FYB1: variants seen among roughly 807,000 people sequenced by gnomAD.
The protein encoded by FYB1 is FYN-binding protein 1.
A neutral mutation model predicts 94.1 loss-of-function variants in FYB1; 41 were observed. The ratio of observed to expected loss-of-function variants is 0.44; its 90% CI spans 0.34 to 0.57. The LOEUF is 0.57. FYB1 is among the 20% of genes least tolerant of loss of function. FYB1 has a pLI of 0.02. For missense variants in FYB1, 1,050 were observed against 976.8 expected (o/e 1.07, Z -1.00); for synonymous variants, 367 against 353.2 (o/e 1.04, Z -0.44).
At chr5:39,191,774 G>T (rs1399626841) in intron 2 of FYB1, among the ~76,000 whole-genome samples, 1 of 152,148 alleles carries the variant, frequency 6.6e-6, no homozygotes, top group Non-Finnish European at 1.5e-5. Flanking sequence ...GGACTTTAAA[G>T]CCACGCCATA....
intron 1 of FYB1, among the ~76,000 whole-genome samples, chr5:39,254,737 A>G (rs1751861430): frequency 6.6e-6 from 1 of 152,226 alleles, no homozygotes; most frequent in Non-Finnish European, 1.5e-5. Context: ...AAGAAAATGC[A>G]TCTGAAAACT....
chr5:39,244,068 A>G (rs963832010), intron 1 of FYB1, among the ~76,000 whole-genome samples: 111 of 152,264 alleles, frequency 7.3e-4, no homozygotes, highest in Admixed American at 1.2e-3. Context: ...TTCTAAATAT[A>G]CAATCATGTC....
rs117861608 is a variant in FYB1, at chr5:39,146,831, A to G, written c.1293-5690T>C. On this transcript the variant is annotated intron_variant, in intron 3 of 18. Transcript: ENST00000512982. ...ATATAGGCCTGAATTTATAATATGT[A>G]TATTATTAATATTCAATAAATATGA... 0.011 allele frequency among the ~76,000 whole-genome samples: 1,635 copies of G among 152,268 alleles called. 70 individuals are homozygous for G. The East Asian group carries it at 0.14, about 13-fold the overall frequency.
At chr5:39,144,953 G>A (rs1383829220) in intron 3 of FYB1, among the ~76,000 whole-genome samples, 1 of 152,122 alleles carries the variant, frequency 6.6e-6, no homozygotes, top group African/African-American at 2.4e-5. Flanking sequence ...TTATATTAAT[G>A]CACAGAATCT....
intron 3 of FYB1, among the ~76,000 whole-genome samples, chr5:39,151,581 T>C (rs1330545855): frequency 6.6e-6 from 1 of 152,226 alleles, no homozygotes; most frequent in East Asian, 1.9e-4. Context: ...TGAGCCACCA[T>C]GCCCAGCCCT....
At chr5:39,253,211 G>C (rs1751799870) in intron 1 of FYB1, among the ~76,000 whole-genome samples, 1 of 152,128 alleles carries the variant, frequency 6.6e-6, no homozygotes, top group Admixed American at 6.5e-5. Context: ...AGGAAACCAT[G>C]TTTAAAATTT....
At chr5:39,111,783 T>C (rs772818988) in intron 16 of FYB1, among the ~76,000 whole-genome samples, 29 of 151,736 alleles carry the variant, frequency 1.9e-4, no homozygotes, top group Admixed American at 5.9e-4. Context: ...AATGAAACAC[T>C]AGGAAAGTAG....
In FYB1 at chr5:39,112,008, A is replaced by T. The variant is rs1739118227; in HGVS notation, c.2402-1619T>A. On this transcript the variant is annotated intron_variant, in intron 16 of 18. Coordinates refer to ENST00000512982, the MANE Select transcript of FYB1 (RefSeq NM_001465.6). ...TGTTAACAGACTTTCTTTTTAAATA[A>T]GGTATACATAATAATTTAATGTAAT... Among the ~76,000 whole-genome samples the T allele has an allele frequency of 2.6e-5, 4 of 152,094 alleles. No individual in the cohort carries two copies. The South Asian group carries it at 6.2e-4, about 24-fold the overall frequency.
chr5:39,134,229 G>A lies in FYB1; in HGVS notation c.1796C>T (p.Ala599Val). 1.2e-6 allele frequency: 2 copies of A among 1,611,414 alleles called. No individual in the cohort carries two copies. Among genetic ancestry groups the A allele is most frequent in the South Asian group, 2.2e-5 (2 of 90,978 alleles). Residue 599 changes from alanine to valine, a missense_variant, in exon 9 of 19, where the codon GCA (alanine) becomes GTA (valine). Physicochemically the swap from Ala to Val is moderately conservative, Grantham distance 64. Transcript: ENST00000512982. ...ATACCTGCTAATATCATCCTGCTCT[G>A]CAACATCATCATATACTTCTTGGTC... The part of the protein sequence containing the change: ...EDDQEVYDDV[A>V]EQDDISSHSQ...
chr5:39,130,270 TG>T (rs1255503010), intron 10 of FYB1, among the ~76,000 whole-genome samples: 1 of 151,946 alleles, frequency 6.6e-6, no homozygotes, highest in Non-Finnish European at 1.5e-5. Context: ...AGAATGTGTT[TG>T]GGGGGACATG....
upstream of FYB1, among the ~76,000 whole-genome samples, chr5:39,223,233 G>A (rs1228699836): frequency 1.3e-5 from 2 of 152,084 alleles, no homozygotes; most frequent in African/African-American, 4.8e-5. Context: ...CTGAACTGGA[G>A]AATTAATGTA....
At chr5:39,135,744 T>C (rs563304621) in intron 7 of FYB1, among the ~76,000 whole-genome samples, 4 of 152,320 alleles carry the variant, frequency 2.6e-5, no homozygotes, top group African/African-American at 9.6e-5. Context: ...CATTATCATG[T>C]ACCACTAAGA....
intron 2 of FYB1, among the ~76,000 whole-genome samples, chr5:39,196,287 C>A (rs1298237691): frequency 6.7e-6 from 1 of 148,932 alleles, no homozygotes; most frequent in East Asian, 2.0e-4. Flanking sequence ...CGGCTCACTG[C>A]AACCTCCACC....
rs577000477 is a variant in FYB1, at chr5:39,250,289, T to C, written c.-28+24114A>G. On this transcript the variant is annotated intron_variant, in intron 1 of 1. Transcript: ENST00000510188. ...AGGCAGAGTGAGAGAGGGGCAAAGATGGTGCCTTGTGTGTTACCAAAATAC... is the reference window on the plus strand; with the variant it reads ...AGGCAGAGTGAGAGAGGGGCAAAGACGGTGCCTTGTGTGTTACCAAAATAC... 5.8e-4 allele frequency among the ~76,000 whole-genome samples: 89 copies of C among 152,292 alleles called. No individual in the cohort carries two copies. The South Asian group carries it at 0.018, about 30-fold the overall frequency.
intron 2 of FYB1, among the ~76,000 whole-genome samples, chr5:39,166,711 C>A (rs1288766943): frequency 6.6e-6 from 1 of 151,664 alleles, no homozygotes; most frequent in Non-Finnish European, 1.5e-5. Flanking sequence ...AACAGAAAGT[C>A]AAAAAGCACC....
chr5:39,170,021 A>G (rs552359492), intron 2 of FYB1: 3 of 761,210 alleles, frequency 3.9e-6, no homozygotes, highest in African/African-American at 1.7e-5. Flanking sequence ...CTAGGAACAG[A>G]TGAATTTTCA....
At chr5:39,214,133 A>T (rs766958137) in intron 1 of FYB1, among the ~76,000 whole-genome samples, 1 of 152,128 alleles carries the variant, frequency 6.6e-6, no homozygotes, top group Non-Finnish European at 1.5e-5. Flanking sequence ...AGAGAGAGTC[A>T]TCTATTATTT....
chr5:39,107,572 A>C, intron 18 of FYB1, 107 bp from the exon 19 acceptor site: 1 of 586,732 alleles, frequency 1.7e-6, no homozygotes, highest in Non-Finnish European at 2.8e-6. Flanking sequence ...TAAGGATTAA[A>C]AAAAATAGAA....
At chr5:39,171,895 T>A (rs541208232) in intron 2 of FYB1, among the ~76,000 whole-genome samples, 2 of 152,254 alleles carry the variant, frequency 1.3e-5, no homozygotes, top group African/African-American at 4.8e-5. Flanking sequence ...CTTGTTAAGA[T>A]GCCATGGCAT....
Sources: gnomAD v4.1 joint callset for allele counts (sites outside exome capture counted in the v4.1 genomes callset) on GRCh38, gnomAD v4.1.1 for gene constraint, MANE v1.5 for transcripts, NCBI Gene and HGNC (gene_info 2026-07-23, HGNC 2026-07-21) for gene names.